Variants in ZNF560 observed in about 807,000 individuals in gnomAD.
ZNF560 encodes zinc finger protein 560.
In ZNF560, 54 loss-of-function variants were observed where a neutral mutation model predicts 81.8. The ratio of observed to expected loss-of-function variants is 0.66; its 90% CI spans 0.53 to 0.83. ZNF560 has a LOEUF of 0.83. Ranked by LOEUF, ZNF560 falls within the 40% of genes least tolerant of loss-of-function variation. ZNF560 has a pLI of 0.00. For missense variants in ZNF560, 940 were observed against 932.4 expected (o/e 1.01, Z -0.11); for synonymous variants, 321 against 317.9 (o/e 1.01, Z -0.10).
chr19:9,452,903 G>T, the ZNF560 span, among the ~76,000 whole-genome samples: 1 of 152,056 alleles, frequency 6.6e-6, no homozygotes, highest in African/African-American at 2.4e-5. Flanking sequence ...GAACCTAAAG[G>T]TGAGAAAAAA....
chr19:9,469,604 C>T, intron 8 of ZNF560, 26 bp downstream of exon 8: 1 of 1,606,182 alleles, frequency 6.2e-7, no homozygotes, highest in Non-Finnish European at 8.5e-7. Flanking sequence ...TCTCATGGAC[C>T]AGGGTTGTTC....
intron 2 of ZNF560, among the ~76,000 whole-genome samples, chr19:9,493,217 C>A (rs1041341214): frequency 6.6e-6 from 1 of 150,774 alleles, no homozygotes; most frequent in Non-Finnish European, 1.5e-5. Context: ...GTTTGAGTCA[C>A]TCCATCAGGT....
downstream of ZNF560, among the ~76,000 whole-genome samples, chr19:9,461,477 CTTGA>C (rs1232928229): frequency 1.3e-5 from 2 of 152,266 alleles, no homozygotes; most frequent in East Asian, 1.9e-4. Context: ...CTACTTTAAT[CTTGA>C]TTATTATGGG....
chr19:9,479,716 A>G (rs1039939073), intron 2 of ZNF560, among the ~76,000 whole-genome samples: 1 of 152,152 alleles, frequency 6.6e-6, no homozygotes, highest in Non-Finnish European at 1.5e-5. Flanking sequence ...TCCCCAAATA[A>G]TACAGCAAAA....
At chr19:9,478,394 G>T (rs1263050412) in intron 2 of ZNF560, among the ~76,000 whole-genome samples, 1 of 152,080 alleles carries the variant, frequency 6.6e-6, no homozygotes, top group African/African-American at 2.4e-5. Flanking sequence ...GACCTAATAA[G>T]AAATGCTAAA....
At chr19:9,465,021 A>G (rs2072992659), downstream of ZNF560, among the ~76,000 whole-genome samples, 3 of 152,224 alleles carry the variant, frequency 2.0e-5, no homozygotes, top group South Asian at 2.1e-4. Flanking sequence ...GGTAAACACC[A>G]AAGTATTTGG....
Position 9,474,791 on chromosome 19 carries a change from T to C in ZNF560, c.31-466A>G, listed in dbSNP as rs1031530300. 8.0e-5 allele frequency among the ~76,000 whole-genome samples: 12 copies of C among 150,382 alleles called. No homozygotes were observed. The East Asian group carries it at 2.3e-3, about 29-fold the overall frequency. On this transcript the variant is annotated intron_variant, in intron 3 of 9. Coordinates refer to ENST00000301480, the MANE Select transcript of ZNF560 (RefSeq NM_152476.3). ...GTCCTGCCTCAGCCTCCTGAGTAGC[T>C]AGGACTACAGCCATGCACCACCATG... is the stretch of plus-strand genomic sequence containing the variant.
At chr19:9,466,115 G>A (rs1309428128), downstream of ZNF560, among the ~76,000 whole-genome samples, 2 of 152,154 alleles carry the variant, frequency 1.3e-5, no homozygotes, top group Admixed American at 1.3e-4. Context: ...GGAGGTGGAA[G>A]CACATGATCA....
At chr19:9,491,993 T>TGG (rs751109188) in intron 2 of ZNF560, among the ~76,000 whole-genome samples, 1 of 3,952 alleles carries the variant, frequency 2.5e-4, no homozygotes, top group Non-Finnish European at 5.1e-4. Flanking sequence ...TCTTTTCTTT[T>TGG]GGGGGGGGGA....
chr19:9,474,059 G>T, intron 4 of ZNF560, 140 bp downstream of exon 4: 1 of 935,490 alleles, frequency 1.1e-6, no homozygotes, highest in Non-Finnish European at 1.7e-6. Context: ...CTTTGAAAAC[G>T]ACCACAGTAA....
upstream of ZNF560, among the ~76,000 whole-genome samples, chr19:9,502,342 G>T (rs185554435): frequency 1.3e-4 from 20 of 151,930 alleles, no homozygotes; most frequent in East Asian, 4.0e-3. Context: ...CTCCCGAGTA[G>T]CTGGGACTAC....
the ZNF560 span, among the ~76,000 whole-genome samples, chr19:9,457,537 T>A: frequency 6.6e-6 from 1 of 152,224 alleles, no homozygotes; most frequent in African/African-American, 2.4e-5. Context: ...ATTCATCATA[T>A]GGATGATATT....
Position 9,466,628 on chromosome 19 carries a change from A to C in ZNF560, c.2319T>G (p.Cys773Trp). The C allele has an allele frequency of 6.2e-7, 1 of 1,612,832 alleles. No homozygotes were observed. Among genetic ancestry groups the C allele is most frequent in the Non-Finnish European group, 8.5e-7 (1 of 1,179,106 alleles). Reference sequence around the variant, plus strand: ...CTGAGAAAGAAGCAAAGGCTTTCCCACACTGGTCACATTCAAAGGGTTTCT... The same window carrying C: ...CTGAGAAAGAAGCAAAGGCTTTCCCCCACTGGTCACATTCAAAGGGTTTCT... ...MGEKPFECDQ[C>W]GKAFASFSAR... The change falls in exon 10 of 10, where the codon TGT (cysteine) becomes TGG (tryptophan). Residue 773 changes from cysteine to tryptophan, a missense_variant. Physicochemically the swap from Cys to Trp is radical, Grantham distance 215. Transcript: ENST00000301480.
chr19:9,465,327 C>A (rs568243502), downstream of ZNF560, among the ~76,000 whole-genome samples: 2 of 152,204 alleles, frequency 1.3e-5, no homozygotes, highest in Admixed American at 1.3e-4. Flanking sequence ...GACAGGGTTT[C>A]ACCATGTTGG....
intron 8 of ZNF560, among the ~76,000 whole-genome samples, 178 bp downstream of exon 8, chr19:9,469,452 G>T (rs953239228): frequency 6.6e-6 from 1 of 152,206 alleles, no homozygotes; most frequent in Non-Finnish European, 1.5e-5. Context: ...CATTTGTTAG[G>T]TAATAGGGAA....
chr19:9,493,615 C>T (rs1218277056), intron 2 of ZNF560, among the ~76,000 whole-genome samples: 1 of 152,098 alleles, frequency 6.6e-6, no homozygotes, highest in Non-Finnish European at 1.5e-5. Context: ...ACCCGCCTCC[C>T]AAAGTGCCGG....
the ZNF560 span, among the ~76,000 whole-genome samples, chr19:9,450,302 C>A: frequency 3.7e-5 from 5 of 136,302 alleles, no homozygotes; most frequent in Non-Finnish European, 1.6e-5. Flanking sequence ...AAAAAAAAAA[C>A]TGAAAAAAGA....
chr19:9,479,065 C>A (rs140597061), intron 2 of ZNF560, among the ~76,000 whole-genome samples: 1 of 151,930 alleles, frequency 6.6e-6, no homozygotes, highest in Non-Finnish European at 1.5e-5. Flanking sequence ...ATTCAGGAGG[C>A]TGAGGCAGGA....
At position 9,479,488 on chromosome 19, in the gene ZNF560, G is replaced by A. The variant is rs568651101; in HGVS notation, c.-56-4119C>T. Among the ~76,000 whole-genome samples, 15 of 152,130 alleles carry A rather than the reference G, an allele frequency of 9.9e-5. 1 individual carries two copies. In the South Asian group the frequency reaches 1.9e-3, roughly 19 times the overall value. ...CAAAGTGAACTTTAAGTCAAAAACCGTAACAGGACACAAAGGTCGTTATAT... is the reference window on the plus strand; with the variant it reads ...CAAAGTGAACTTTAAGTCAAAAACCATAACAGGACACAAAGGTCGTTATAT... On this transcript the variant is annotated intron_variant, in intron 2 of 9. Transcript: ENST00000301480.
Sources: allele counts gnomAD v4.1 joint callset (sites outside exome capture counted in the v4.1 genomes callset), GRCh38; gene constraint gnomAD v4.1.1; transcripts MANE v1.5; gene names NCBI Gene and HGNC (gene_info 2026-07-23, HGNC 2026-07-21).